The following TBC1D5 variants were observed in gnomAD, a reference collection of about 807,000 sequenced individuals.
TBC1D5 encodes the protein TBC1 domain family member 5, also known as TBC1 domain family, member 5.
TBC1D5 carries 75 observed loss-of-function variants against 100.3 expected under a neutral mutation model. The observed-to-expected ratio is 0.75, with a 90% CI of 0.62 to 0.91. The LOEUF is 0.91. TBC1D5 is among the 40% of genes least tolerant of loss of function. The pLI is 0.00. For missense variants in TBC1D5, 910 were observed against 942.4 expected (o/e 0.97, Z 0.45); for synonymous variants, 323 against 325.6 (o/e 0.99, Z 0.09).
intron 2 of TBC1D5, among the ~76,000 whole-genome samples, chr3:17,603,338 A>T (rs1344849058): frequency 6.6e-6 from 1 of 152,096 alleles, no homozygotes; most frequent in Non-Finnish European, 1.5e-5. Context: ...TGGTAAAATG[A>T]GATGCGTAAA....
At chr3:17,558,042 T>C (rs2096533636) in intron 2 of TBC1D5, among the ~76,000 whole-genome samples, 1 of 152,224 alleles carries the variant, frequency 6.6e-6, no homozygotes, top group Non-Finnish European at 1.5e-5. Flanking sequence ...TTCTTCTCTC[T>C]ACCCATATAC....
chr3:17,702,193 T>G (rs1052335579), intron 1 of TBC1D5: 1 of 152,180 alleles, frequency 6.6e-6, no homozygotes, highest in African/African-American at 2.4e-5. Flanking sequence ...ATACTCTACC[T>G]GTCAAATCTT....
intron 2 of TBC1D5, among the ~76,000 whole-genome samples, chr3:17,612,842 C>T (rs2061789037): frequency 6.7e-6 from 1 of 148,268 alleles, no homozygotes; most frequent in Non-Finnish European, 1.5e-5. Context: ...CACTTCTATA[C>T]ACAAGTAACA....
At chr3:17,290,178 T>C (rs1267565211) in intron 15 of TBC1D5, among the ~76,000 whole-genome samples, 1 of 152,208 alleles carries the variant, frequency 6.6e-6, no homozygotes, top group Non-Finnish European at 1.5e-5. Context: ...GGGAATTCCC[T>C]TTTTTGGATA....
At chr3:17,521,887 C>T (rs958596076) in intron 2 of TBC1D5, among the ~76,000 whole-genome samples, 2 of 151,792 alleles carry the variant, frequency 1.3e-5, no homozygotes, top group African/African-American at 4.8e-5. Context: ...TGTTGTAGTC[C>T]ATATTAAAAT....
chr3:17,686,091 A>C (rs1027545825), intron 1 of TBC1D5, among the ~76,000 whole-genome samples: 2 of 152,156 alleles, frequency 1.3e-5, no homozygotes, highest in Non-Finnish European at 2.9e-5. Flanking sequence ...GCGGGATTTC[A>C]GACGTGAAAG....
intron 2 of TBC1D5, chr3:17,576,498 A>G (rs2096658009): frequency 6.6e-6 from 1 of 152,044 alleles, no homozygotes; most frequent in African/African-American, 2.4e-5. Flanking sequence ...CATTTATTCA[A>G]TTTGTGGGCT....
chr3:17,742,282 G>A (rs900235783), upstream of TBC1D5, among the ~76,000 whole-genome samples: 14 of 152,154 alleles, frequency 9.2e-5, no homozygotes, highest in African/African-American at 3.4e-4. Context: ...CCGCCGTGGC[G>A]GCGGCACCCT....
chr3:17,291,961 C>T, exon 15 of TBC1D5: 2 of 1,613,884 alleles, frequency 1.2e-6, no homozygotes, highest in Non-Finnish European at 1.7e-6. Context: ...ATGGGTAATG[C>T]ATCAGAAGGC....
intron 2 of TBC1D5, among the ~76,000 whole-genome samples, chr3:17,537,996 T>G (rs900616295): frequency 2.6e-5 from 4 of 152,066 alleles, no homozygotes; most frequent in African/African-American, 9.7e-5. Flanking sequence ...AACACATCAA[T>G]CAATACATGT....
chr3:17,642,465 G>A (rs1385491638), intron 1 of TBC1D5, among the ~76,000 whole-genome samples: 9 of 152,064 alleles, frequency 5.9e-5, no homozygotes, highest in Admixed American at 1.3e-4. Flanking sequence ...GTCAGTATCC[G>A]TCAGAACTAG....
intron 19 of TBC1D5, among the ~76,000 whole-genome samples, chr3:17,184,197 T>C (rs768350983): frequency 5.9e-5 from 9 of 152,216 alleles, no homozygotes; most frequent in African/African-American, 1.9e-4. Context: ...TGCAGAGCAG[T>C]GCCTGAAGAC....
chr3:17,236,456 C>T (rs1576184923), intron 17 of TBC1D5, among the ~76,000 whole-genome samples: 2 of 151,374 alleles, frequency 1.3e-5, no homozygotes, highest in South Asian at 2.1e-4. Flanking sequence ...GACAGCTCTA[C>T]GTTAAAAAGA....
At chr3:17,683,309 C>T (rs1274097163) in intron 1 of TBC1D5, among the ~76,000 whole-genome samples, 1 of 151,022 alleles carries the variant, frequency 6.6e-6, no homozygotes, top group Non-Finnish European at 1.5e-5. Context: ...TAAATTTTAC[C>T]TAATAGAGCC....
intron 3 of TBC1D5, among the ~76,000 whole-genome samples, chr3:17,455,181 CACGT>C (rs58901176): frequency 0.058 from 8,314 of 144,590 alleles, 488 homozygotes; most frequent in African/African-American, 0.15. Flanking sequence ...CACACACACA[CACGT>C]GTGTGTGTAT....
At chr3:17,201,380 G>A (rs558252140) in intron 18 of TBC1D5, among the ~76,000 whole-genome samples, 47 of 152,260 alleles carry the variant, frequency 3.1e-4, no homozygotes, top group African/African-American at 7.5e-4. Context: ...ATGAGATTCC[G>A]GGTGCTTACT....
intron 19 of TBC1D5, among the ~76,000 whole-genome samples, chr3:17,168,613 G>A (rs2066877020): frequency 1.3e-5 from 2 of 152,194 alleles, no homozygotes; most frequent in Non-Finnish European, 2.9e-5. Context: ...AAGGGGCCGG[G>A]GTTGGGAGGA....
rs2094310275 is a variant in TBC1D5 at position 17,425,300 on chromosome 3, G to A, written c.167+3150C>T. Among the ~76,000 whole-genome samples, 4 of 152,172 alleles carry A rather than the reference G, an allele frequency of 2.6e-5. No individual in the cohort carries two copies. The South Asian group carries it at 8.3e-4, about 32-fold the overall frequency. ...AAGTATTCAAAGTATTTGGAATCAGGATCTGAACCAGTACACTATGTTTAA... is the reference window on the plus strand; with the variant it reads ...AAGTATTCAAAGTATTTGGAATCAGAATCTGAACCAGTACACTATGTTTAA... On this transcript the variant is annotated intron_variant, in intron 4 of 21. Transcript: ENST00000253692.
chr3:17,531,382 T>C (rs2096222419), intron 2 of TBC1D5, among the ~76,000 whole-genome samples: 1 of 152,190 alleles, frequency 6.6e-6, no homozygotes, highest in South Asian at 2.1e-4. Flanking sequence ...GTAGGAAGAA[T>C]CAATATCATG....
Sources: gnomAD v4.1 joint callset for allele counts (sites outside exome capture counted in the v4.1 genomes callset) on GRCh38, gnomAD v4.1.1 for gene constraint, MANE v1.5 for transcripts, NCBI Gene and HGNC (gene_info 2026-07-23, HGNC 2026-07-21) for gene names.